NDST4: variants seen among roughly 807,000 people sequenced by gnomAD.
NDST4 encodes N-heparan sulfate sulfotransferase 4.
NDST4 carries 63 observed loss-of-function variants against 100.8 expected under a neutral mutation model. The ratio of observed to expected loss-of-function variants is 0.62; its 90% confidence interval spans 0.51 to 0.77. NDST4 has a LOEUF of 0.77. Ranked by LOEUF, NDST4 falls within the 30% of genes least tolerant of loss-of-function variation. NDST4 has a pLI of 0.00. For synonymous variants in NDST4, 377 were observed against 361.8 expected, an observed-to-expected ratio of 1.04 and a Z score of -0.48; for missense variants, 943 against 1,018.4, an observed-to-expected ratio of 0.93 and a Z score of 1.01.
At chr4:115,040,478 T>C (rs1336842807) in intron 2 of NDST4, among the ~76,000 whole-genome samples, 1 of 151,644 alleles carries the variant, frequency 6.6e-6, no homozygotes, top group Non-Finnish European at 1.5e-5. Flanking sequence ...AACTCTTCTG[T>C]TATCCTCAGT....
chr4:115,092,035 C>A (rs558483405), intron 1 of NDST4, among the ~76,000 whole-genome samples: 1 of 152,178 alleles, frequency 6.6e-6, no homozygotes, highest in South Asian at 2.1e-4. Flanking sequence ...GGTTTAGTAA[C>A]ATTACTCTAC....
chr4:114,870,975 C>T (rs763091672), intron 6 of NDST4, 25 bp from the exon 7 acceptor site: 29 of 1,571,360 alleles, frequency 1.8e-5, no homozygotes, highest in South Asian at 1.2e-4. Flanking sequence ...AAAATGACCA[C>T]AAAAATATCA....
intron 8 of NDST4, among the ~76,000 whole-genome samples, chr4:114,850,207 T>C (rs1723643036): frequency 6.6e-6 from 1 of 152,210 alleles, no homozygotes; most frequent in African/African-American, 2.4e-5. Flanking sequence ...TCTTTAGTTG[T>C]TGATTATCTA....
At chr4:114,910,610 G>A (rs1462082084) in intron 6 of NDST4, among the ~76,000 whole-genome samples, 3 of 152,078 alleles carry the variant, frequency 2.0e-5, no homozygotes, top group African/African-American at 4.8e-5. Context: ...ATTCAGTCCT[G>A]TAATTTTATA....
intron 2 of NDST4, among the ~76,000 whole-genome samples, chr4:114,982,244 C>T (rs1726792534): frequency 1.3e-5 from 2 of 152,120 alleles, no homozygotes; most frequent in South Asian, 4.1e-4. Flanking sequence ...CAGAAGAAGA[C>T]AGGAAGATGT....
intron 4 of NDST4, among the ~76,000 whole-genome samples, chr4:114,959,640 G>A (rs1726215861): frequency 1.3e-5 from 2 of 152,032 alleles, no homozygotes; most frequent in Non-Finnish European, 1.5e-5. Context: ...TTTGGGTAGG[G>A]ACACAGCCAA....
At chr4:114,833,850 C>T in intron 11 of NDST4, 135 bp from the exon 12 acceptor site, 1 of 562,074 alleles carries the variant, frequency 1.8e-6, no homozygotes, top group Non-Finnish European at 3.1e-6. Context: ...ACTTAGAATA[C>T]ATCCGAATGT....
intron 2 of NDST4, among the ~76,000 whole-genome samples, chr4:115,046,635 G>T (rs1297523362): frequency 6.6e-6 from 1 of 152,026 alleles, no homozygotes; most frequent in Non-Finnish European, 1.5e-5. Flanking sequence ...GTGTGTGTGT[G>T]TATCAGATAG....
chr4:114,964,085 T>C (rs1321098947), intron 4 of NDST4, among the ~76,000 whole-genome samples: 1 of 152,180 alleles, frequency 6.6e-6, no homozygotes, highest in Non-Finnish European at 1.5e-5. Flanking sequence ...TCTGTCTCTT[T>C]TTCTCTTCCT....
chr4:114,935,879 T>C (rs1560820409), intron 5 of NDST4, among the ~76,000 whole-genome samples: 3 of 152,198 alleles, frequency 2.0e-5, no homozygotes, highest in Non-Finnish European at 4.4e-5. Context: ...ACTTCTTTTG[T>C]AAGTCTGAAT....
At position 114,911,821 on chromosome 4, in the gene NDST4, A is replaced by C. The variant is rs1404360973; in HGVS notation, c.1536+23385T>G. Among the ~76,000 whole-genome samples, 4 of 152,172 alleles carry C rather than the reference A, an allele frequency of 2.6e-5. No homozygotes were observed. The South Asian group carries it at 6.2e-4, about 24-fold the overall frequency. ...TAAGTATAGAATTGTTATAGATTAT[A>C]TTAAGAATTGTTTTTATAGCCCCTG... On this transcript the variant is annotated intron_variant, in intron 6 of 13. Coordinates refer to ENST00000264363, the MANE Select transcript of NDST4 (RefSeq NM_022569.3).
At chr4:114,911,703 G>A (rs907989122) in intron 6 of NDST4, among the ~76,000 whole-genome samples, 3 of 151,830 alleles carry the variant, frequency 2.0e-5, no homozygotes, top group African/African-American at 7.3e-5. Context: ...AAATATCGCG[G>A]GTATTGGGTA....
At chr4:114,918,126 C>T (rs1282770560) in intron 6 of NDST4, among the ~76,000 whole-genome samples, 1 of 151,960 alleles carries the variant, frequency 6.6e-6, no homozygotes, top group Non-Finnish European at 1.5e-5. Context: ...CTTACTATAA[C>T]CATTTTGAAA....
At chr4:114,951,319 A>G (rs1030430260) in intron 4 of NDST4, among the ~76,000 whole-genome samples, 1 of 152,184 alleles carries the variant, frequency 6.6e-6, no homozygotes, top group South Asian at 2.1e-4. Context: ...ACTTGTGACC[A>G]CTTTCAGTAT....
chr4:114,878,320 T>C (rs1724299177), intron 6 of NDST4, among the ~76,000 whole-genome samples: 1 of 152,218 alleles, frequency 6.6e-6, no homozygotes, highest in Non-Finnish European at 1.5e-5. Flanking sequence ...GTTGATGTTT[T>C]AACATCCCAT....
intron 7 of NDST4, among the ~76,000 whole-genome samples, chr4:114,866,178 G>A (rs184820279): frequency 1.4e-4 from 21 of 152,228 alleles, no homozygotes; most frequent in Admixed American, 1.2e-3. Flanking sequence ...TCACTCTTTC[G>A]TTATTCTCAG....
chr4:114,946,734 C>T (rs923738677), intron 4 of NDST4, among the ~76,000 whole-genome samples: 2 of 152,118 alleles, frequency 1.3e-5, no homozygotes, highest in Admixed American at 6.5e-5. Context: ...CAGGGGGCAC[C>T]GTTCACATTT....
At chr4:115,067,214 C>T (rs1728968649) in intron 2 of NDST4, among the ~76,000 whole-genome samples, 1 of 152,132 alleles carries the variant, frequency 6.6e-6, no homozygotes, top group Admixed American at 6.6e-5. Context: ...GCCTGGACTC[C>T]TTTGCATTAC....
Position 115,010,357 on chromosome 4 carries a change from T to C in NDST4, c.979-33083A>G, listed in dbSNP as rs1255961565. Reference sequence around the variant, plus strand: ...TACACCATGGAATACTATGCAGCCATAAAAAAGGATGAGTTCATGTCCTCT... The same window carrying C: ...TACACCATGGAATACTATGCAGCCACAAAAAAGGATGAGTTCATGTCCTCT... On this transcript the variant is annotated intron_variant, in intron 2 of 13. Coordinates refer to ENST00000264363, the MANE Select transcript of NDST4 (RefSeq NM_022569.3). Among the ~76,000 whole-genome samples, 4 of 128,142 alleles carry C rather than the reference T, an allele frequency of 3.1e-5. 1 individual carries two copies. Among genetic ancestry groups the C allele is most frequent in the Non-Finnish European group, 6.7e-5 (4 of 59,990 alleles). 84.1% of individuals were successfully genotyped at this position (128,142 alleles called of 152,430 possible).
Sources: gnomAD v4.1 joint callset for allele counts (sites outside exome capture counted in the v4.1 genomes callset) on GRCh38, gnomAD v4.1.1 for gene constraint, MANE v1.5 for transcripts, NCBI Gene and HGNC (gene_info 2026-07-23, HGNC 2026-07-21) for gene names.